L3MBTL4: variants seen among roughly 807,000 people sequenced by gnomAD.
The protein encoded by L3MBTL4 is L3MBTL histone methyl-lysine binding protein 4, also known as lethal(3)malignant brain tumor-like protein 4.
In L3MBTL4, 70 loss-of-function variants were observed where a neutral mutation model predicts 84.5. That is an observed-to-expected ratio of 0.83 (90% CI 0.68 to 1.01). L3MBTL4 has a LOEUF of 1.01. Among genes scored for constraint, L3MBTL4 ranks in the 50% least tolerant of loss-of-function variants. L3MBTL4 has a pLI of 0.00. For synonymous variants in L3MBTL4, 274 were observed against 259.8 expected, an observed-to-expected ratio of 1.05 and a Z score of -0.52; for missense variants, 715 against 754.8, an observed-to-expected ratio of 0.95 and a Z score of 0.62.
chr18:6,253,246 A>G (rs890133484), intron 5 of L3MBTL4, among the ~76,000 whole-genome samples: 1 of 152,202 alleles, frequency 6.6e-6, no homozygotes, highest in African/African-American at 2.4e-5. Context: ...TGGAACTATG[A>G]CAATCCCCAT....
At chr18:6,368,173 CT>C (rs1402917098) in intron 1 of L3MBTL4, among the ~76,000 whole-genome samples, 1 of 152,022 alleles carries the variant, frequency 6.6e-6, no homozygotes, top group Admixed American at 6.6e-5. Flanking sequence ...CCTCTACACT[CT>C]CTCCAGTCAC....
intron 4 of L3MBTL4, among the ~76,000 whole-genome samples, chr18:6,288,033 ACT>A (rs1030483163): frequency 1.1e-4 from 17 of 152,094 alleles, no homozygotes; most frequent in African/African-American, 4.1e-4. Context: ...ACAAAACGAG[ACT>A]CTGTCTCAAC....
intron 13 of L3MBTL4, among the ~76,000 whole-genome samples, chr18:6,166,011 A>G (rs1425681008): frequency 1.3e-5 from 2 of 152,216 alleles, no homozygotes; most frequent in Non-Finnish European, 2.9e-5. Context: ...GGAAAACAAA[A>G]AAAGGCAGGG....
chr18:6,295,344 CTCTATA>C (rs1456462109), intron 4 of L3MBTL4, among the ~76,000 whole-genome samples: 72 of 105,354 alleles, frequency 6.8e-4, no homozygotes, highest in African/African-American at 2.9e-3. Flanking sequence ...CTCTCTCTCT[CTCTATA>C]TATATATATA....
At chr18:6,280,856 A>T (rs1402444289) in intron 4 of L3MBTL4, among the ~76,000 whole-genome samples, 1 of 152,136 alleles carries the variant, frequency 6.6e-6, no homozygotes, top group African/African-American at 2.4e-5. Context: ...TGAGCCAAGG[A>T]ATGCAAAAGC....
chr18:6,215,558 A>G (rs189773463), intron 11 of L3MBTL4, among the ~76,000 whole-genome samples, 192 bp downstream of exon 11: 4 of 152,348 alleles, frequency 2.6e-5, no homozygotes, highest in East Asian at 3.9e-4. Context: ...CATCATCTAC[A>G]TTTCTATATG....
At chr18:6,285,762 C>T (rs572608706) in intron 4 of L3MBTL4, among the ~76,000 whole-genome samples, 2 of 151,614 alleles carry the variant, frequency 1.3e-5, no homozygotes, top group Admixed American at 1.3e-4. Context: ...TCAGAGCTTG[C>T]CAGCTCCCCA....
At position 6,094,989 on chromosome 18, in the gene L3MBTL4, G is replaced by C. The variant is rs201181891; in HGVS notation, c.1200-1461C>G. 9.9e-5 allele frequency among the ~76,000 whole-genome samples: 15 copies of C among 152,244 alleles called. No homozygotes were observed. The East Asian group carries it at 2.9e-3, about 29-fold the overall frequency. On this transcript the variant is annotated intron_variant, in intron 14 of 18. Coordinates refer to ENST00000317931, the MANE Select transcript of L3MBTL4 (RefSeq NM_001330559.2). ...TGGTTTATTAATCTATTCAGGTATT[G>C]ATTCAACAATCCATAAGCATCTGCT...
chr18:6,138,046 T>C (rs2036600444), intron 14 of L3MBTL4, 148 bp downstream of exon 14: 3 of 533,616 alleles, frequency 5.6e-6, no homozygotes, highest in Non-Finnish European at 9.9e-6. Flanking sequence ...CAGAGGAAAA[T>C]GTCAAGGAAA....
At chr18:6,408,613 A>G (rs1171882756) in intron 1 of L3MBTL4, among the ~76,000 whole-genome samples, 1 of 152,042 alleles carries the variant, frequency 6.6e-6, no homozygotes, top group African/African-American at 2.4e-5. Context: ...CCTCCAAAGC[A>G]CTAAGGGGAT....
At chr18:6,121,752 G>A (rs1009806021) in intron 14 of L3MBTL4, among the ~76,000 whole-genome samples, 7 of 150,866 alleles carry the variant, frequency 4.6e-5, no homozygotes, top group Non-Finnish European at 8.8e-5. Context: ...TTTGGAGTTG[G>A]GAATCAAAAG....
At chr18:5,990,110 C>A (rs540814280) in intron 16 of L3MBTL4, among the ~76,000 whole-genome samples, 8 of 152,134 alleles carry the variant, frequency 5.3e-5, no homozygotes, top group Non-Finnish European at 1.2e-4. Context: ...GCATTGTTTC[C>A]CTTTGGCTGT....
At chr18:6,058,223 T>C (rs1184824288) in intron 16 of L3MBTL4, among the ~76,000 whole-genome samples, 1 of 152,260 alleles carries the variant, frequency 6.6e-6, no homozygotes, top group Non-Finnish European at 1.5e-5. Flanking sequence ...ATAGCAGTGC[T>C]GTCTGGGTAG....
intron 16 of L3MBTL4, among the ~76,000 whole-genome samples, chr18:6,044,236 T>C (rs557921120): frequency 5.3e-5 from 8 of 152,322 alleles, no homozygotes; most frequent in South Asian, 4.1e-4. Flanking sequence ...ATAATCTGTA[T>C]AAAAATGTGC....
chr18:6,403,671 T>C (rs1473583269), intron 1 of L3MBTL4, among the ~76,000 whole-genome samples: 1 of 152,260 alleles, frequency 6.6e-6, no homozygotes, highest in Non-Finnish European at 1.5e-5. Flanking sequence ...CATTTCAGGA[T>C]ACTTAGAGAA....
chr18:6,404,510 T>G (rs2055643580), intron 1 of L3MBTL4, among the ~76,000 whole-genome samples: 1 of 152,174 alleles, frequency 6.6e-6, no homozygotes, highest in Non-Finnish European at 1.5e-5. Context: ...TCCGAGAAGC[T>G]CTTCGTGGCC....
intron 1 of L3MBTL4, among the ~76,000 whole-genome samples, chr18:6,359,712 G>A (rs2053598718): frequency 6.6e-6 from 1 of 152,032 alleles, no homozygotes; most frequent in Non-Finnish European, 1.5e-5. Flanking sequence ...TGAGATTCTA[G>A]CACTCTGTTG....
At chr18:6,080,225 G>C (rs756542243) in intron 16 of L3MBTL4, 4 of 152,288 alleles carry the variant, frequency 2.6e-5, no homozygotes, top group Middle Eastern at 3.2e-3. Flanking sequence ...TCTTCCGGGA[G>C]ACACAAATGT....
chr18:6,164,754 A>C (rs1238568870), intron 13 of L3MBTL4, among the ~76,000 whole-genome samples: 3 of 152,180 alleles, frequency 2.0e-5, no homozygotes, highest in Non-Finnish European at 4.4e-5. Flanking sequence ...AAAACCGGAA[A>C]CCCTAAAAAA....
Sources: gnomAD v4.1 joint callset for allele counts (sites outside exome capture counted in the v4.1 genomes callset) on GRCh38, gnomAD v4.1.1 for gene constraint, MANE v1.5 for transcripts, NCBI Gene and HGNC (gene_info 2026-07-23, HGNC 2026-07-21) for gene names.